The following DLX1 variants were observed in gnomAD, a reference collection of about 807,000 sequenced individuals.
DLX1 encodes the protein homeobox protein DLX-1.
DLX1 carries 7 observed loss-of-function variants against 25.0 expected under a neutral mutation model. That is an observed-to-expected ratio of 0.28 (90% CI 0.16 to 0.52). The LOEUF (loss-of-function observed/expected upper bound fraction) is 0.52, where lower values mean the gene tolerates loss of function less well. Ranked by LOEUF, DLX1 falls within the 20% of genes least tolerant of loss-of-function variation. DLX1 has a pLI of 0.96. For missense variants in DLX1, 233 were observed against 334.4 expected (o/e 0.70, Z 2.37); for synonymous variants, 155 against 140.3 (o/e 1.10, Z -0.74).
rs367864134 is a variant in DLX1 at position 172,085,920 on chromosome 2, C to T, written c.243C>T (p.Ser81=). ...YVNSVSSHAS[S]PYISSVQSYP... The stretch of plus-strand genomic sequence containing the variant: ...ACTCGGTCAGCAGCCACGCATCCAG[C>T]CCCTACATCAGTTCGGTGCAGTCCT... The change falls in exon 1 of 3, where the codon AGC becomes AGT. Residue 81 remains serine (S), a synonymous_variant. Coordinates refer to ENST00000361725, the MANE Select transcript of DLX1 (RefSeq NM_178120.5). This position sits in a 1 kb window ranked among gnomAD's most constrained non-coding sequence, Gnocchi z 4.3. The T allele has an allele frequency of 2.0e-5, 33 of 1,614,082 alleles. No individual in the cohort carries two copies. Among genetic ancestry groups the T allele is most frequent in the African/African-American group, 2.7e-5 (2 of 74,926 alleles).
In DLX1 at chr2:172,085,803, G is replaced by C; in HGVS notation, c.126G>C (p.Met42Ile). 6.2e-7 allele frequency: 1 copy of C among 1,614,188 alleles called. No individual in the cohort carries two copies. Among genetic ancestry groups the C allele is most frequent in the Middle Eastern group, 1.6e-4 (1 of 6,062 alleles). ...PSPMSHGHYSMHCLHSAGHSQ... is the reference protein window; with the variant it reads ...PSPMSHGHYSIHCLHSAGHSQ... ...CCATGTCCCACGGGCACTACTCCAT[G>C]CACTGTTTACACTCGGCGGGCCATT... The change falls in exon 1 of 3, where the codon ATG becomes ATC. Residue 42 changes from methionine to isoleucine, a missense_variant. Met to Ile is a conservative substitution (Grantham distance 10). Around this residue, in one of 3 missense-constraint regions of DLX1, gnomAD observed 126 missense variants for 170.4 expected, o/e 0.74. Coordinates refer to ENST00000361725, the MANE Select transcript of DLX1 (RefSeq NM_178120.5). The surrounding 1 kb of genome is among the most constrained non-coding windows in gnomAD (Gnocchi z 4.3).
rs766599199 is a variant in DLX1, at chr2:172,085,755, C to T, written c.78C>T (p.Pro26=). The change falls in exon 1 of 3, where the codon CCC becomes CCT. Residue 26 remains proline, a synonymous_variant. Coordinates refer to ENST00000361725, the MANE Select transcript of DLX1 (RefSeq NM_178120.5). This position sits in a 1 kb window ranked among gnomAD's most constrained non-coding sequence, Gnocchi z 4.3. ...CGGTGTTTATGGAGTTTGGGCCGCC[C>T]AACCAGCAAATGTCTCCTTCTCCCA... ...GKAVFMEFGP[P]NQQMSPSPMS... 1.2e-6 allele frequency: 2 copies of T among 1,614,198 alleles called. No homozygotes were observed. The highest frequency in any genetic ancestry group is 1.7e-6 in the Non-Finnish European group (2 of 1,180,052).
At chr2:172,086,058 G>C in intron 1 of DLX1, 68 bp downstream of exon 1, 1 of 1,148,808 alleles carries the variant, frequency 8.7e-7, no homozygotes, top group Non-Finnish European at 1.2e-6. Context: ...AGGAGCGGGG[G>C]AGAAGAGGAG....
At position 172,086,772 on chromosome 2, in the gene DLX1, C is replaced by T; in HGVS notation, c.432C>T (p.Asn144=). 6.2e-7 allele frequency: 1 copy of T among 1,613,386 alleles called. No homozygotes were observed. Among genetic ancestry groups the T allele is most frequent in the South Asian group, 1.1e-5 (1 of 90,990 alleles). Residue 144 remains asparagine (N), a synonymous_variant, in exon 2 of 3, where the codon AAC becomes AAT. Coordinates refer to ENST00000361725, the MANE Select transcript of DLX1 (RefSeq NM_178120.5). Reference sequence around the variant, plus strand: ...CCAGTTTGCAGTTGCAGGCTTTGAACCGGAGGTTCCAGCAAACTCAGTACC... The same window carrying T: ...CCAGTTTGCAGTTGCAGGCTTTGAATCGGAGGTTCCAGCAAACTCAGTACC... ...IYSSLQLQAL[N]RRFQQTQYLA... is the part of the protein sequence containing the mutation.
chr2:172,088,430 G>A lies in DLX1; in HGVS notation c.*173G>A, dbSNP rs1040380934. 1.2e-6 allele frequency: 1 copy of A among 850,238 alleles called. No individual in the cohort carries two copies. Among genetic ancestry groups the A allele is most frequent in the Non-Finnish European group, 1.6e-6 (1 of 617,004 alleles). The allele number at this position is 850,238 out of a possible 1,614,324, so 52.7% of individuals were successfully genotyped here. On this transcript the variant is annotated 3_prime_UTR_variant, in exon 3 of 3. Coordinates refer to ENST00000361725, the MANE Select transcript of DLX1 (RefSeq NM_178120.5). ...CCGGCCCAGCAACTTCCCGGCATCCGCGCTCTAGCCTGAACCCTGGCCTGG... is the reference window on the plus strand; with the variant it reads ...CCGGCCCAGCAACTTCCCGGCATCCACGCTCTAGCCTGAACCCTGGCCTGG...
At position 172,085,752 on chromosome 2, in the gene DLX1, G is replaced by T; in HGVS notation, c.75G>T (p.Pro25=). Reference sequence around the variant, plus strand: ...AGGCGGTGTTTATGGAGTTTGGGCCGCCCAACCAGCAAATGTCTCCTTCTC... The same window carrying T: ...AGGCGGTGTTTATGGAGTTTGGGCCTCCCAACCAGCAAATGTCTCCTTCTC... ...SGKAVFMEFG[P]PNQQMSPSPM... The change falls in exon 1 of 3, where the codon CCG becomes CCT. Residue 25 remains proline (P), a synonymous_variant. Transcript: ENST00000361725. This position sits in a 1 kb window ranked among gnomAD's most constrained non-coding sequence, Gnocchi z 4.3. 1 of 1,614,132 alleles carries T rather than the reference G, an allele frequency of 6.2e-7. No individual in the cohort carries two copies. Among genetic ancestry groups the T allele is most frequent in the Non-Finnish European group, 8.5e-7 (1 of 1,180,028 alleles).
chr2:172,086,935 G>T, intron 2 of DLX1, 82 bp downstream of exon 2: 1 of 1,417,532 alleles, frequency 7.1e-7, no homozygotes, highest in South Asian at 1.2e-5. Flanking sequence ...GTTGCTCGCT[G>T]GGACTCAGGG....
chr2:172,087,107 AG>A, intron 2 of DLX1: 1 of 695,678 alleles, frequency 1.4e-6, no homozygotes, highest in South Asian at 1.5e-5. Flanking sequence ...GGGCGCAGGA[AG>A]GATTTCCCCA....
Position 172,088,469 on chromosome 2 carries a change from A to G in DLX1, c.*212A>G. ...ACCCTGGCCTGGGCCGAGCAGTGGC[A>G]GCAGAGAGTGGCCTCGGAGGGAAGC... is the stretch of plus-strand genomic sequence containing the variant. On this transcript the variant is annotated 3_prime_UTR_variant, in exon 3 of 3. Coordinates refer to ENST00000361725, the MANE Select transcript of DLX1 (RefSeq NM_178120.5). 1 of 530,694 alleles carries G rather than the reference A, an allele frequency of 1.9e-6. No individual in the cohort carries two copies. Among genetic ancestry groups the G allele is most frequent in the Non-Finnish European group, 2.9e-6 (1 of 346,510 alleles). 32.9% of individuals were successfully genotyped at this position (530,694 alleles called of 1,614,324 possible). A position where few individuals can be genotyped will look rare whatever the true frequency, so the allele number is the denominator to read the frequency against.
At chr2:172,086,386 A>T (rs1471697695) in intron 1 of DLX1, 1 of 479,942 alleles carries the variant, frequency 2.1e-6, no homozygotes, top group Non-Finnish European at 3.7e-6. Context: ...AATTAAGGGT[A>T]ATTAAACCTC....
intron 2 of DLX1, 114 bp downstream of exon 2, chr2:172,086,967 G>T (rs1227536371): frequency 9.2e-7 from 1 of 1,081,152 alleles, no homozygotes; most frequent in East Asian, 2.4e-5. Context: ...CTGTGTGTAT[G>T]TGTTTGTGTC....
intron 2 of DLX1, chr2:172,087,333 A>T (rs1231036708): frequency 2.7e-6 from 1 of 369,952 alleles, no homozygotes. Context: ...CAGACCTTAG[A>T]GAAGAAACGG....
At chr2:172,087,121 C>A in intron 2 of DLX1, 2 of 680,204 alleles carry the variant, frequency 2.9e-6, no homozygotes, top group Non-Finnish European at 5.5e-6. Context: ...TTTCCCCAGA[C>A]GATTTGTTTG....
intron 2 of DLX1, 53 bp from the exon 3 acceptor site, chr2:172,087,950 C>A: frequency 6.6e-7 from 1 of 1,505,822 alleles, no homozygotes; most frequent in East Asian, 2.3e-5. Flanking sequence ...TCCCTGTGAC[C>A]TAGGTAGGCT....
rs908860138 is a variant in DLX1, at chr2:172,085,534, G to A, written c.-144G>A. On this transcript the variant is annotated 5_prime_UTR_variant, in exon 1 of 3. Coordinates refer to ENST00000361725, the MANE Select transcript of DLX1 (RefSeq NM_178120.5). This position sits in a 1 kb window ranked among gnomAD's most constrained non-coding sequence, Gnocchi z 4.3. ...CAGCATCATGCTTAGACTTTTCAAAGAGACAAACTCCATTTTCTTATGAAT... is the reference window on the plus strand; with the variant it reads ...CAGCATCATGCTTAGACTTTTCAAAAAGACAAACTCCATTTTCTTATGAAT... 4 of 858,776 alleles carry A rather than the reference G, an allele frequency of 4.7e-6. No homozygotes were observed. The highest frequency in any genetic ancestry group is 1.7e-5 in the African/African-American group (1 of 58,534). The allele number at this position is 858,776 out of a possible 1,614,324, so 53.2% of individuals were successfully genotyped here.
Position 172,085,597 on chromosome 2 carries a change from C to T in DLX1, c.-81C>T. 3.5e-6 allele frequency: 5 copies of T among 1,448,118 alleles called. No individual in the cohort carries two copies. Among genetic ancestry groups the T allele is most frequent in the Non-Finnish European group, 3.7e-6 (4 of 1,068,528 alleles). 89.7% of individuals were successfully genotyped at this position (1,448,118 alleles called of 1,614,324 possible). On this transcript the variant is annotated 5_prime_UTR_variant, in exon 1 of 3. Coordinates refer to ENST00000361725, the MANE Select transcript of DLX1 (RefSeq NM_178120.5). This position sits in a 1 kb window ranked among gnomAD's most constrained non-coding sequence, Gnocchi z 4.3. ...CCCCTGTTCCGCTTAAATTGGGTTC[C>T]TTCCTGTCCTGAGAAACATAGAGAC...
chr2:172,088,808 G>C lies in DLX1; in HGVS notation c.*551G>C, dbSNP rs2105522055. On this transcript the variant is annotated 3_prime_UTR_variant, in exon 3 of 3. Transcript: ENST00000361725. ...CTCTGCCTGACCATCTGTGTAGCTGGTGTGGGAATCTGGGGGCATTGGAGG... is the reference window on the plus strand; with the variant it reads ...CTCTGCCTGACCATCTGTGTAGCTGCTGTGGGAATCTGGGGGCATTGGAGG... The C allele has an allele frequency of 6.5e-6, 1 of 152,848 alleles. No individual in the cohort carries two copies. The highest frequency in any genetic ancestry group is 2.1e-4 in the South Asian group (1 of 4,832). The allele number at this position is 152,848 out of a possible 1,614,324, so 9.5% of individuals were successfully genotyped here.
At chr2:172,087,113 T>TC in intron 2 of DLX1, 2 of 689,458 alleles carry the variant, frequency 2.9e-6, no homozygotes, top group Middle Eastern at 2.3e-4. Flanking sequence ...AGGAAGGATT[T>TC]CCCCAGACGA....
chr2:172,087,101 G>T (rs1057189542), intron 2 of DLX1: 1 of 699,252 alleles, frequency 1.4e-6, no homozygotes, highest in Non-Finnish European at 2.7e-6. Context: ...TGATTAGGGC[G>T]CAGGAAGGAT....
Sources: allele counts gnomAD v4.1 joint callset, GRCh38; gene constraint gnomAD v4.1.1; regional missense constraint gnomAD v4.1.1; non-coding constraint Gnocchi (gnomAD v3.1); transcripts MANE v1.5; gene names NCBI Gene and HGNC (gene_info 2026-07-23, HGNC 2026-07-21).